The following SP140 variants were observed in gnomAD, a reference collection of about 807,000 sequenced individuals.
SP140 encodes SP140 nuclear body protein.
A neutral mutation model predicts 125.0 loss-of-function variants in SP140; 81 were observed. The observed-to-expected ratio is 0.65, with a 90% CI of 0.54 to 0.78. SP140 has a LOEUF of 0.78. SP140 is among the 30% of genes least tolerant of loss of function. The pLI, the probability that SP140 is intolerant of heterozygous loss-of-function variation, is 0.00. For synonymous variants in SP140, 312 were observed against 354.0 expected, an observed-to-expected ratio of 0.88 and a Z score of 1.33; for missense variants, 858 against 1,037.0, an observed-to-expected ratio of 0.83 and a Z score of 2.37.
intron 23 of SP140, among the ~76,000 whole-genome samples, 161 bp from the exon 24 acceptor site, chr2:230,310,582 C>T (rs549492324): frequency 1.3e-5 from 2 of 152,076 alleles, no homozygotes; most frequent in Non-Finnish European, 2.9e-5. Flanking sequence ...AGGCCAATGG[C>T]TGGAGACCCC....
At chr2:230,238,515 T>A in intron 3 of SP140, 134 bp downstream of exon 3, 1 of 920,548 alleles carries the variant, frequency 1.1e-6, no homozygotes, top group Non-Finnish European at 1.6e-6. Context: ...GGGAATATAA[T>A]GATGAAAAAA....
At chr2:230,265,463 A>G (rs562021735) in intron 12 of SP140, among the ~76,000 whole-genome samples, 1 of 152,316 alleles carries the variant, frequency 6.6e-6, no homozygotes, top group South Asian at 2.1e-4. Context: ...AGTTCTGTCC[A>G]GGAGGCGTCT....
chr2:230,289,295 C>CA (rs2056845094), intron 18 of SP140, among the ~76,000 whole-genome samples: 8 of 152,218 alleles, frequency 5.3e-5, no homozygotes, highest in Non-Finnish European at 8.8e-5. Flanking sequence ...TATCCTTTGC[C>CA]CACTTTTTGA....
At chr2:230,205,747 G>C (rs1032270897) in intron 1 of SP140, among the ~76,000 whole-genome samples, 1 of 152,242 alleles carries the variant, frequency 6.6e-6, no homozygotes, top group South Asian at 2.1e-4. Context: ...TGAGACTGTA[G>C]TGTCAATGGG....
At chr2:230,212,729 T>A in intron 1 of SP140, 1 of 1,612,980 alleles carries the variant, frequency 6.2e-7, no homozygotes, top group Non-Finnish European at 8.5e-7. Context: ...AGGCTGAGGA[T>A]ATACAGGTGT....
chr2:230,215,875 G>A (rs544506467), intron 3 of SP140, among the ~76,000 whole-genome samples: 224 of 152,274 alleles, frequency 1.5e-3, no homozygotes, highest in Non-Finnish European at 2.2e-3. Flanking sequence ...CTATGGAACT[G>A]AATAACTAAG....
At chr2:230,271,867 C>G (rs2053981205) in intron 15 of SP140, among the ~76,000 whole-genome samples, 1 of 152,130 alleles carries the variant, frequency 6.6e-6, no homozygotes, top group African/African-American at 2.4e-5. Context: ...AGTGAAAGGT[C>G]AGATTATACA....
At chr2:230,253,221 C>A in intron 10 of SP140, 95 bp from the exon 11 acceptor site, 2 of 838,558 alleles carry the variant, frequency 2.4e-6, no homozygotes, top group Non-Finnish European at 4.0e-6. Flanking sequence ...GGAGAAAAGG[C>A]GGAACAAGAC....
upstream of SP140, among the ~76,000 whole-genome samples, chr2:230,224,101 T>A (rs1344074848): frequency 6.6e-6 from 1 of 152,234 alleles, no homozygotes; most frequent in Non-Finnish European, 1.5e-5. Flanking sequence ...AGGCTATCCT[T>A]ACCTGGGCTA....
At chr2:230,251,546 C>A (rs1428712527) in intron 10 of SP140, among the ~76,000 whole-genome samples, 1 of 152,096 alleles carries the variant, frequency 6.6e-6, no homozygotes, top group Non-Finnish European at 1.5e-5. Context: ...AATAGTATTA[C>A]TTGAATTTAA....
the SP140 span, among the ~76,000 whole-genome samples, chr2:230,189,811 G>C: frequency 1.3e-5 from 2 of 152,040 alleles, no homozygotes; most frequent in African/African-American, 4.8e-5. Flanking sequence ...TTCTGTTCCT[G>C]TGTTACTTTG....
chr2:230,260,630 G>A (rs965836806), intron 12 of SP140, among the ~76,000 whole-genome samples: 5 of 152,210 alleles, frequency 3.3e-5, no homozygotes, highest in African/African-American at 1.2e-4. Context: ...TAAGGTGAGA[G>A]ATGAGGATCC....
At chr2:230,196,797 G>T in the SP140 span, among the ~76,000 whole-genome samples, 1 of 151,876 alleles carries the variant, frequency 6.6e-6, no homozygotes, top group Non-Finnish European at 1.5e-5. Flanking sequence ...GCAGTGTTTG[G>T]TTTTTTGTCC....
chr2:230,194,082 A>G, the SP140 span, among the ~76,000 whole-genome samples: 1 of 152,132 alleles, frequency 6.6e-6, no homozygotes, highest in African/African-American at 2.4e-5. Context: ...GCAAGCAGGC[A>G]GATATGACTT....
chr2:230,307,731 C>T (rs1323973462), intron 22 of SP140, among the ~76,000 whole-genome samples: 2 of 152,062 alleles, frequency 1.3e-5, no homozygotes, highest in African/African-American at 2.4e-5. Context: ...CCATGGCAGG[C>T]CCTTGGTAGG....
intron 19 of SP140, 145 bp downstream of exon 19, chr2:230,290,709 GT>G: frequency 1.5e-6 from 1 of 679,370 alleles, no homozygotes; most frequent in Non-Finnish European, 2.5e-6. Flanking sequence ...CTAAGATGAC[GT>G]TTACAGACTT....
chr2:230,199,005 T>TGCCACATGCTGAGGATGATGGA (rs1216226610), upstream of SP140, among the ~76,000 whole-genome samples: 12 of 151,910 alleles, frequency 7.9e-5, no homozygotes, highest in Admixed American at 2.6e-4. Flanking sequence ...ATAAAGGGGA[T>TGCCACATGCTGAGGATGATGGA]GCCACATGCT....
At chr2:230,206,755 T>C (rs1002055836) in intron 1 of SP140, among the ~76,000 whole-genome samples, 2 of 151,088 alleles carry the variant, frequency 1.3e-5, no homozygotes, top group Admixed American at 1.3e-4. Flanking sequence ...GTATGCAATA[T>C]AAATATAGGA....
At chr2:230,251,688 C>T (rs1219953742) in intron 10 of SP140, among the ~76,000 whole-genome samples, 1 of 152,154 alleles carries the variant, frequency 6.6e-6, no homozygotes. Flanking sequence ...CTCTAATTGA[C>T]AGAATTCAGA....
Sources: gnomAD v4.1 joint callset for allele counts (sites outside exome capture counted in the v4.1 genomes callset) on GRCh38, gnomAD v4.1.1 for gene constraint, MANE v1.5 for transcripts, NCBI Gene and HGNC (gene_info 2026-07-23, HGNC 2026-07-21) for gene names.